MAPK10: variants seen among roughly 807,000 people sequenced by gnomAD.
MAPK10 encodes the protein JNK3 alpha protein kinase.
In MAPK10, 25 loss-of-function variants were observed where a neutral mutation model predicts 59.3. That is an observed-to-expected ratio of 0.42 (90% CI 0.31 to 0.59). The LOEUF is 0.59. MAPK10 is among the 20% of genes least tolerant of loss of function. The pLI is 0.15. For synonymous variants in MAPK10, 190 were observed against 200.5 expected (o/e 0.95, Z 0.44); for missense variants, 351 against 568.9 (o/e 0.62, Z 3.90).
At chr4:86,101,291 A>G (rs1052707800) in intron 7 of MAPK10, 74 bp from the exon 8 acceptor site, 2 of 1,209,350 alleles carry the variant, frequency 1.7e-6, no homozygotes, top group Non-Finnish European at 2.4e-6. Flanking sequence ...CTCAATCAAC[A>G]TAGCCATTTT....
intron 11 of MAPK10, among the ~76,000 whole-genome samples, chr4:86,035,370 CAAAAAAAAAAAAA>C (rs70948779): frequency 1.6e-4 from 6 of 37,866 alleles, no homozygotes; most frequent in Non-Finnish European, 2.7e-4. Context: ...GACTCTGTCT[CAAAAAAAAAAAAA>C]AAAAAAAAAA....
intron 4 of MAPK10, among the ~76,000 whole-genome samples, chr4:86,112,973 CTTT>C (rs1423296335): frequency 2.0e-5 from 3 of 149,846 alleles, no homozygotes; most frequent in Non-Finnish European, 2.9e-5. Flanking sequence ...TAATGTCCTT[CTTT>C]GTCTTTTTTT....
chr4:86,267,470 A>G (rs1419880368), intron 2 of MAPK10, among the ~76,000 whole-genome samples: 1 of 152,148 alleles, frequency 6.6e-6, no homozygotes, highest in Non-Finnish European at 1.5e-5. Context: ...GACCTACAGG[A>G]CCAAATCCCT....
At chr4:86,540,279 T>A (rs977336143) in intron 1 of MAPK10, among the ~76,000 whole-genome samples, 1 of 152,196 alleles carries the variant, frequency 6.6e-6, no homozygotes, top group Admixed American at 6.5e-5. Context: ...GCTGGGCAGA[T>A]CCCTTGAGCT....
intron 4 of MAPK10, among the ~76,000 whole-genome samples, chr4:86,127,083 G>T (rs888228334): frequency 1.3e-5 from 2 of 151,360 alleles, no homozygotes; most frequent in African/African-American, 4.9e-5. Context: ...ACATTATTTT[G>T]TGTTTGAAAA....
rs759278768 is a variant in MAPK10, at chr4:86,107,368, A to T, written c.237-16T>A. The T allele has an allele frequency of 1.2e-6, 2 of 1,600,494 alleles. No individual in the cohort carries two copies. The highest frequency in any genetic ancestry group is 2.2e-5 in the East Asian group (1 of 44,752). The stretch of plus-strand genomic sequence containing the variant: ...ATACGCGGCACTGTAGAGATCCAAG[A>T]GCAACTCAGAATTAAGAACAAAAGA... On this transcript the variant is annotated splice_polypyrimidine_tract_variant and intron_variant, in intron 4 of 13. Transcript: ENST00000641462.
chr4:86,554,743 G>A (rs1258615923), intron 1 of MAPK10, among the ~76,000 whole-genome samples: 4 of 151,972 alleles, frequency 2.6e-5, no homozygotes, highest in Admixed American at 2.6e-4. Context: ...AAACAAATAT[G>A]ATTACACCCT....
intron 1 of MAPK10, among the ~76,000 whole-genome samples, chr4:86,437,014 C>T (rs1424974226): frequency 6.6e-6 from 1 of 151,960 alleles, no homozygotes; most frequent in African/African-American, 2.4e-5. Context: ...AGATCGAGAC[C>T]ATCCTGGCTA....
intron 1 of MAPK10, among the ~76,000 whole-genome samples, chr4:86,414,743 T>C (rs926524795): frequency 6.6e-6 from 1 of 152,146 alleles, no homozygotes; most frequent in African/African-American, 2.4e-5. Flanking sequence ...TCTTTTGCTT[T>C]TAAGTTTTGG....
intron 4 of MAPK10, among the ~76,000 whole-genome samples, chr4:86,129,254 TTC>T (rs2060601247): frequency 6.6e-6 from 1 of 152,166 alleles, no homozygotes; most frequent in Admixed American, 6.5e-5. Context: ...TGGTAGAATT[TTC>T]TCTTATTGAA....
At chr4:86,272,566 A>G (rs1272346138) in intron 2 of MAPK10, among the ~76,000 whole-genome samples, 1 of 152,058 alleles carries the variant, frequency 6.6e-6, no homozygotes, top group East Asian at 1.9e-4. Flanking sequence ...GCCGAGAAAC[A>G]TAAAAACACT....
At chr4:86,054,469 A>G (rs2148966650) in intron 11 of MAPK10, among the ~76,000 whole-genome samples, 1 of 152,188 alleles carries the variant, frequency 6.6e-6, no homozygotes, top group Admixed American at 6.6e-5. Flanking sequence ...CTGGAAGGCA[A>G]TTAGTAAACT....
At position 86,029,373 on chromosome 4, in the gene MAPK10, G is replaced by A. The variant is rs1339894903; in HGVS notation, c.1175-99C>T. ...CAAATAATTACGTTTTGATGGGGTT[G>A]AGTAAATTAAAAATCAATTGAGATT... On this transcript the variant is annotated intron_variant, in intron 12 of 13. Transcript: ENST00000641462. The A allele has an allele frequency of 4.2e-6, 3 of 708,436 alleles. No homozygotes were observed. In the African/African-American group the frequency reaches 5.3e-5, roughly 13 times the overall value. The allele number at this position is 708,436 out of a possible 1,614,324, so 43.9% of individuals were successfully genotyped here.
In MAPK10 at chr4:86,488,734, C is replaced by T. The variant is rs1051292476; in HGVS notation, c.-263+105176G>A. Among the ~76,000 whole-genome samples the T allele has an allele frequency of 2.0e-5, 3 of 152,114 alleles. No homozygotes were observed. The East Asian group carries it at 5.8e-4, about 29-fold the overall frequency. ...AGGCTCCGAAGTAGACAAAGATGAT[C>T]GGTACTGCCCACCCTTCCCCATTTC... On this transcript the variant is annotated intron_variant, in intron 1 of 4. Coordinates refer to the MAPK10 transcript ENST00000502302.
At chr4:86,053,212 C>T (rs2043907295) in intron 11 of MAPK10, among the ~76,000 whole-genome samples, 1 of 152,100 alleles carries the variant, frequency 6.6e-6, no homozygotes, top group Non-Finnish European at 1.5e-5. Flanking sequence ...TAATTAACAT[C>T]CAGGCCTTGC....
intron 1 of MAPK10, among the ~76,000 whole-genome samples, chr4:86,416,533 C>G (rs887698436): frequency 6.6e-6 from 1 of 152,216 alleles, no homozygotes; most frequent in Non-Finnish European, 1.5e-5. Context: ...TCCTATATCT[C>G]TCATCTGTCC....
At chr4:86,290,624 G>A (rs182616376) in intron 2 of MAPK10, among the ~76,000 whole-genome samples, 226 of 152,146 alleles carry the variant, frequency 1.5e-3, no homozygotes, top group African/African-American at 5.2e-3. Context: ...ACAGGGTTTT[G>A]GGTCTCTTTT....
chr4:86,278,346 A>G (rs2094662367), intron 2 of MAPK10, among the ~76,000 whole-genome samples: 1 of 152,178 alleles, frequency 6.6e-6, no homozygotes, highest in Admixed American at 6.5e-5. Flanking sequence ...TTGGCTATGG[A>G]GTCTACTCCA....
rs1742233282 is a variant in MAPK10 at position 86,013,936 on chromosome 4, A to C, written c.*3292T>G. The C allele has an allele frequency of 6.6e-6, 1 of 152,206 alleles. No individual in the cohort carries two copies. Among genetic ancestry groups the C allele is most frequent in the Non-Finnish European group, 1.5e-5 (1 of 68,030 alleles). 9.4% of individuals were successfully genotyped at this position (152,206 alleles called of 1,614,324 possible). ...GTAAGGCTAGTGTATTCCTATTTAA[A>C]ATTGAACACGCTGACCCACAAAACA... is the stretch of plus-strand genomic sequence containing the variant. On this transcript the variant is annotated 3_prime_UTR_variant, in exon 14 of 14. Transcript: ENST00000641462.
Sources: gnomAD v4.1 joint callset for allele counts (sites outside exome capture counted in the v4.1 genomes callset) on GRCh38, gnomAD v4.1.1 for gene constraint, MANE v1.5 for transcripts, NCBI Gene and HGNC (gene_info 2026-07-23, HGNC 2026-07-21) for gene names.